Variants in CARS1 observed in about 807,000 individuals in gnomAD.
CARS1 encodes the protein cysteinyl-tRNA synthetase 1, also known as cysteine--tRNA ligase, cytoplasmic.
CARS1 carries 48 observed loss-of-function variants against 106.2 expected under a neutral mutation model. The observed-to-expected ratio is 0.45, with a 90% confidence interval of 0.36 to 0.57. The LOEUF (loss-of-function observed/expected upper bound fraction) is 0.57, where lower values mean the gene tolerates loss of function less well. Among genes scored for constraint, CARS1 ranks in the 20% least tolerant of loss-of-function variants. The pLI, the probability that CARS1 is intolerant of heterozygous loss-of-function variation, is 0.00. For missense variants in CARS1, 968 were observed against 1,057.2 expected, an observed-to-expected ratio of 0.92 and a Z score of 1.17; for synonymous variants, 409 against 403.4, an observed-to-expected ratio of 1.01 and a Z score of -0.17.
intron 17 of CARS1, 35 bp from the exon 18 acceptor site, chr11:3,012,311 G>A (rs759959624): frequency 1.3e-6 from 2 of 1,558,124 alleles, no homozygotes; most frequent in Non-Finnish European, 1.8e-6. Flanking sequence ...ACTGAGAGCT[G>A]CTCACACTCC....
rs200757292 is a variant in CARS1, at chr11:3,002,062, C to T, written c.2278-9G>A. ...TTGGCCAGCTTTGCTGCCTAGAACA[C>T]GCAACACGGCACAGTCACTGCCCCC... On this transcript the variant is annotated splice_polypyrimidine_tract_variant and intron_variant, in intron 21 of 22. Coordinates refer to ENST00000380525, the MANE Select transcript of CARS1 (RefSeq NM_001014437.3). 6.9e-5 allele frequency: 110 copies of T among 1,599,934 alleles called. No individual in the cohort carries two copies. The highest frequency in any genetic ancestry group is 4.5e-5 in the East Asian group (2 of 44,788).
At position 3,019,960 on chromosome 11, in the gene CARS1, T is replaced by C. The variant is rs1037418695; in HGVS notation, c.1266+260A>G. ...GAACACAAGAACCAAGAAGCCTCCA[T>C]GGACGTCTACTCTGATCACATCTCC... On this transcript the variant is annotated intron_variant, in intron 11 of 22. Coordinates refer to ENST00000380525, the MANE Select transcript of CARS1 (RefSeq NM_001014437.3). This position sits in a 1 kb window ranked among gnomAD's most constrained non-coding sequence, Gnocchi z 6.2. Among the ~76,000 whole-genome samples, 2 of 152,280 alleles carry C rather than the reference T, an allele frequency of 1.3e-5. No individual in the cohort carries two copies. Among genetic ancestry groups the C allele is most frequent in the East Asian group, 1.9e-4 (1 of 5,174 alleles).
intron 10 of CARS1, among the ~76,000 whole-genome samples, chr11:3,026,110 T>G (rs1038571295): frequency 6.6e-6 from 1 of 152,198 alleles, no homozygotes; most frequent in African/African-American, 2.4e-5. Flanking sequence ...AAATATCACA[T>G]GTCCTCTCTC....
chr11:3,019,314 C>A lies in CARS1; in HGVS notation c.1267-47G>T. 1 of 1,364,200 alleles carries A rather than the reference C, an allele frequency of 7.3e-7. No individual in the cohort carries two copies. The highest frequency in any genetic ancestry group is 2.2e-5 in the South Asian group (1 of 44,804). 84.5% of individuals were successfully genotyped at this position (1,364,200 alleles called of 1,614,324 possible). A position where few individuals can be genotyped will look rare whatever the true frequency, so the allele number is the denominator to read the frequency against. ...GTGACTGACCAGCCTACCCGCTTGTCCAGGCCTTTATCACTTATCACTCCA... is the reference window on the plus strand; with the variant it reads ...GTGACTGACCAGCCTACCCGCTTGTACAGGCCTTTATCACTTATCACTCCA... On this transcript the variant is annotated intron_variant, in intron 11 of 22. Transcript: ENST00000380525. This position sits in a 1 kb window ranked among gnomAD's most constrained non-coding sequence, Gnocchi z 6.2.
At chr11:3,009,498 G>C (rs1850238119) in intron 18 of CARS1, 1 of 152,278 alleles carries the variant, frequency 6.6e-6, no homozygotes, top group South Asian at 2.1e-4. Flanking sequence ...AAGAGTTCTG[G>C]AGATGGACGG....
In CARS1 at chr11:3,029,034, A is replaced by G. The variant is rs1220227709; in HGVS notation, c.993T>C (p.Ile331=). 6.2e-7 allele frequency: 1 copy of G among 1,613,924 alleles called. No homozygotes were observed. The highest frequency in any genetic ancestry group is 8.5e-7 in the Non-Finnish European group (1 of 1,179,932). ...CCACAATCTTCTGGACAAAGTTCAC[A>G]ATTTCTGGCACATACTCACTAACCC... ...LTRVSEYVPE[I]VNFVQKIVDN... The change falls in exon 9 of 23, where the codon ATT becomes ATC. Residue 331 remains isoleucine, a synonymous_variant. Coordinates refer to ENST00000380525, the MANE Select transcript of CARS1 (RefSeq NM_001014437.3). This position sits in a 1 kb window ranked among gnomAD's most constrained non-coding sequence, Gnocchi z 5.9.
At position 3,012,264 on chromosome 11, in the gene CARS1, C is replaced by CT. The variant is rs1384852074; in HGVS notation, c.1998dup (p.Val667SerfsTer26). ...GATAACACCTGAAGGTAGGGCATGA[C>CT]TGTGGCCTCGAGCTGCGGAAAGAAC... On this transcript the variant is annotated frameshift_variant, in exon 18 of 23. Transcript: ENST00000380525. LOFTEE classifies it high-confidence loss of function. The CT allele has an allele frequency of 1.2e-6, 2 of 1,614,232 alleles. No individual in the cohort carries two copies. Among genetic ancestry groups the CT allele is most frequent in the Non-Finnish European group, 1.7e-6 (2 of 1,180,006 alleles).
rs1406579372 is a variant in CARS1, at chr11:3,003,623, G to A, written c.2218-1023C>T. 6.6e-6 allele frequency among the ~76,000 whole-genome samples: 1 copy of A among 152,158 alleles called. No individual in the cohort carries two copies. Among genetic ancestry groups the A allele is most frequent in the Non-Finnish European group, 1.5e-5 (1 of 68,026 alleles). On this transcript the variant is annotated intron_variant, in intron 20 of 22. Transcript: ENST00000380525. The surrounding 1 kb of genome is among the most constrained non-coding windows in gnomAD (Gnocchi z 4.8). ...CTCAGAGACTCAGGATGGGGCTGGG[G>A]CCAACAGGATCGAGCTCTTTCGAGA...
intron 16 of CARS1, among the ~76,000 whole-genome samples, 176 bp downstream of exon 16, chr11:3,016,930 C>A (rs936466920): frequency 6.6e-6 from 1 of 152,146 alleles, no homozygotes; most frequent in African/African-American, 2.4e-5. Flanking sequence ...TTATTTCTAA[C>A]GCGTGAAAAG....
In CARS1 at chr11:3,029,770, T is replaced by G; in HGVS notation, c.802-327A>C. 1 of 348,602 alleles carries G rather than the reference T, an allele frequency of 2.9e-6. No homozygotes were observed. The highest frequency in any genetic ancestry group is 5.3e-5 in the South Asian group (1 of 18,736). The allele number at this position is 348,602 out of a possible 1,614,324, so 21.6% of individuals were successfully genotyped here. A position where few individuals can be genotyped will look rare whatever the true frequency, so the allele number is the denominator to read the frequency against. ...ACCTGGGCCGTGCAGGGCAGGGTTA[T>G]GGGCAGAGGCTGGGCAGGAGCACAC... On this transcript the variant is annotated intron_variant, in intron 7 of 22. Transcript: ENST00000380525. This position sits in a 1 kb window ranked among gnomAD's most constrained non-coding sequence, Gnocchi z 5.9.
intron 10 of CARS1, among the ~76,000 whole-genome samples, chr11:3,026,151 A>G (rs1297587613): frequency 1.3e-5 from 2 of 152,178 alleles, no homozygotes; most frequent in Non-Finnish European, 2.9e-5. Context: ...GGTGGACCTC[A>G]AGGAGGTGCA....
rs189691457 is a variant in CARS1 at position 3,045,719 on chromosome 11, G to C, written c.274+2034C>G. Among the ~76,000 whole-genome samples, 286 of 152,338 alleles carry C rather than the reference G, an allele frequency of 1.9e-3. 2 individuals are homozygous for C. Among genetic ancestry groups the C allele is most frequent in the African/African-American group, 6.5e-3 (272 of 41,570 alleles). ...GAGGTGGAAGGGCGAGCAGGAGGAG[G>C]GGCACATGGCCCACTGTGCCAGCAA... On this transcript the variant is annotated intron_variant, in intron 2 of 22. Transcript: ENST00000380525. The surrounding 1 kb of genome is among the most constrained non-coding windows in gnomAD (Gnocchi z 5.6).
intron 17 of CARS1, 38 bp downstream of exon 17, chr11:3,015,743 G>A: frequency 6.4e-7 from 1 of 1,573,186 alleles, no homozygotes; most frequent in Non-Finnish European, 8.8e-7. Flanking sequence ...AGTGGGGAGG[G>A]AGCAGGTGCA....
rs373718331 is a variant in CARS1, at chr11:3,040,927, C to T, written c.424G>A (p.Val142Ile). The part of the protein sequence containing the change: ...KVTWYCCGPT[V>I]YDASHMGHAR... ...TGCCCCATGTGAGATGCGTCATAGA[C>T]GGTTGGCCCACAGCAATACCACGTC... Residue 142 changes from valine (V) to isoleucine (I), a missense_variant, in exon 4 of 23, where the codon GTC (valine) becomes ATC (isoleucine). Val to Ile is a conservative substitution (Grantham distance 29). Coordinates refer to ENST00000380525, the MANE Select transcript of CARS1 (RefSeq NM_001014437.3). This position sits in a 1 kb window ranked among gnomAD's most constrained non-coding sequence, Gnocchi z 5.8. 6.2e-6 allele frequency: 10 copies of T among 1,614,012 alleles called. No individual in the cohort carries two copies. In the African/African-American group the frequency reaches 8.0e-5, roughly 13 times the overall value.
chr11:3,005,631 ATTTTTT>A (rs5789288), intron 19 of CARS1, among the ~76,000 whole-genome samples, 198 bp from the exon 20 acceptor site: 1 of 132,476 alleles, frequency 7.5e-6, no homozygotes. Flanking sequence ...TGTGTGTGTG[ATTTTTT>A]TTTTTTTTTT....
chr11:3,029,598 C>G lies in CARS1; in HGVS notation c.802-155G>C. On this transcript the variant is annotated intron_variant, in intron 7 of 22. Coordinates refer to ENST00000380525, the MANE Select transcript of CARS1 (RefSeq NM_001014437.3). This position sits in a 1 kb window ranked among gnomAD's most constrained non-coding sequence, Gnocchi z 5.9. ...TCTCCTAGGGAGACTGTGATGCTTA[C>G]ACAACTGGCTCGGCAGGGACAAATA... The G allele has an allele frequency of 1.4e-6, 1 of 711,918 alleles. No individual in the cohort carries two copies. The highest frequency in any genetic ancestry group is 2.3e-6 in the Non-Finnish European group (1 of 439,714). 44.1% of individuals were successfully genotyped at this position (711,918 alleles called of 1,614,324 possible). A position where few individuals can be genotyped will look rare whatever the true frequency, so the allele number is the denominator to read the frequency against.
Position 3,044,994 on chromosome 11 carries a change from T to C in CARS1, c.275-2738A>G, listed in dbSNP as rs575004692. ...GGGTGAGAGCAACACCAAACCTTCA[T>C]GTTCCTGAAACTATGGCCTCGGCGT... is the stretch of plus-strand genomic sequence containing the variant. On this transcript the variant is annotated intron_variant, in intron 2 of 22. Coordinates refer to ENST00000380525, the MANE Select transcript of CARS1 (RefSeq NM_001014437.3). This position sits in a 1 kb window ranked among gnomAD's most constrained non-coding sequence, Gnocchi z 4.4. Among the ~76,000 whole-genome samples the C allele has an allele frequency of 1.3e-5, 2 of 152,126 alleles. No individual in the cohort carries two copies. The highest frequency in any genetic ancestry group is 4.8e-5 in the African/African-American group (2 of 41,418).
chr11:3,055,810 T>C (rs898561951), intron 1 of CARS1, among the ~76,000 whole-genome samples: 6 of 152,244 alleles, frequency 3.9e-5, no homozygotes, highest in Non-Finnish European at 8.8e-5. Flanking sequence ...CAGCACTTAA[T>C]TGAGTGCCAG....
Position 3,028,929 on chromosome 11 carries a change from C to G in CARS1, c.1031+67G>C, listed in dbSNP as rs1852400087. ...CTGCTTCCCAAACTCAGGCTCAGAG[C>G]TGGGGAGCTCCTCCCTGTGCGATGT... On this transcript the variant is annotated intron_variant, in intron 9 of 22. Coordinates refer to ENST00000380525, the MANE Select transcript of CARS1 (RefSeq NM_001014437.3). The surrounding 1 kb of genome is among the most constrained non-coding windows in gnomAD (Gnocchi z 4.4). 2 of 1,088,742 alleles carry G rather than the reference C, an allele frequency of 1.8e-6. No homozygotes were observed. Among genetic ancestry groups the G allele is most frequent in the African/African-American group, 1.5e-5 (1 of 64,724 alleles). The allele number at this position is 1,088,742 out of a possible 1,614,324, so 67.4% of individuals were successfully genotyped here.
Sources: allele counts gnomAD v4.1 joint callset (sites outside exome capture counted in the v4.1 genomes callset), GRCh38; gene constraint gnomAD v4.1.1; non-coding constraint Gnocchi (gnomAD v3.1); transcripts MANE v1.5; gene names NCBI Gene and HGNC (gene_info 2026-07-23, HGNC 2026-07-21).